C20orf203: variants seen among roughly 807,000 people sequenced by gnomAD.
The protein encoded by C20orf203 is chromosome 20 open reading frame 203.
C20orf203 carries 16 observed loss-of-function variants against 15.9 expected under a neutral mutation model. The ratio of observed to expected loss-of-function variants is 1.01; its 90% confidence interval spans 0.68 to 1.53. The LOEUF (loss-of-function observed/expected upper bound fraction) is 1.53, where lower values mean the gene tolerates loss of function less well. Ranked by LOEUF, C20orf203 falls within the 40% of genes most tolerant of loss-of-function variation. The probability of loss-of-function intolerance (pLI) is 0.00; values close to 1 mark genes in which losing one functional copy is unlikely to be tolerated. For synonymous variants in C20orf203, 98 were observed against 97.2 expected, an observed-to-expected ratio of 1.01 and a Z score of -0.05; for missense variants, 263 against 247.5, an observed-to-expected ratio of 1.06 and a Z score of -0.42.
At chr20:32,652,871 C>T (rs1982669138) in intron 1 of C20orf203, among the ~76,000 whole-genome samples, 1 of 152,136 alleles carries the variant, frequency 6.6e-6, no homozygotes, top group South Asian at 2.1e-4. Context: ...AAGCCTGAGC[C>T]TCAGGCGGCA....
chr20:32,654,752 G>A (rs1326119573), intron 1 of C20orf203, among the ~76,000 whole-genome samples: 1 of 152,182 alleles, frequency 6.6e-6, no homozygotes, highest in Non-Finnish European at 1.5e-5. Context: ...GCTGAGGTGG[G>A]AGGATCACTT....
At chr20:32,663,373 A>C (rs1341471843) in intron 1 of C20orf203, among the ~76,000 whole-genome samples, 1 of 152,184 alleles carries the variant, frequency 6.6e-6, no homozygotes, top group African/African-American at 2.4e-5. Context: ...AATATTTTAC[A>C]GTCATTAAAT....
rs1791859169 is a variant in C20orf203 at position 32,673,820 on chromosome 20, G to C, written c.-452C>G. On this transcript the variant is annotated 5_prime_UTR_variant, in exon 1 of 6. Transcript: ENST00000608990. ...AGCCACTCAGAGCTGAGTGGTGGTG[G>C]AATGAGTGAAAAGGCTGCAGCTGGA... 6.6e-6 allele frequency: 1 copy of C among 152,364 alleles called. No individual in the cohort carries two copies. The allele number at this position is 152,364 out of a possible 1,614,324, so 9.4% of individuals were successfully genotyped here. A position where few individuals can be genotyped will look rare whatever the true frequency, so the allele number is the denominator to read the frequency against.
At chr20:32,656,304 T>C (rs1982752406) in intron 1 of C20orf203, among the ~76,000 whole-genome samples, 1 of 152,208 alleles carries the variant, frequency 6.6e-6, no homozygotes, top group South Asian at 2.1e-4. Context: ...CTCAACATCA[T>C]TAGTCATTAG....
In C20orf203 at chr20:32,650,287, A is replaced by C. The variant is rs1982567234; in HGVS notation, c.*145T>G. The C allele has an allele frequency of 1.6e-6, 1 of 635,458 alleles. No individual in the cohort carries two copies. The allele number at this position is 635,458 out of a possible 1,614,324, so 39.4% of individuals were successfully genotyped here. A position where few individuals can be genotyped will look rare whatever the true frequency, so the allele number is the denominator to read the frequency against. Reference sequence around the variant, plus strand: ...AGCGCCGGTGCCCAGAATCTCCTTGAGGTTTCAGCTGGGCGTGCCGGGCCC... The same window carrying C: ...AGCGCCGGTGCCCAGAATCTCCTTGCGGTTTCAGCTGGGCGTGCCGGGCCC... On this transcript the variant is annotated 3_prime_UTR_variant, in exon 4 of 6. Coordinates refer to ENST00000608990, the MANE Select transcript of C20orf203 (RefSeq NM_182584.4).
intron 1 of C20orf203, among the ~76,000 whole-genome samples, chr20:32,669,649 CA>C (rs1983115475): frequency 6.6e-6 from 1 of 152,154 alleles, no homozygotes. Flanking sequence ...TTACACAACA[CA>C]AAAATCAACT....
intron 1 of C20orf203, among the ~76,000 whole-genome samples, chr20:32,671,472 C>T (rs1479469572): frequency 6.7e-6 from 1 of 149,022 alleles, no homozygotes; most frequent in Non-Finnish European, 1.5e-5. Flanking sequence ...ATGAGGAATC[C>T]AAAGAAGAAA....
chr20:32,643,482 G>A (rs796434993), intron 4 of C20orf203, among the ~76,000 whole-genome samples: 10 of 152,238 alleles, frequency 6.6e-5, no homozygotes, highest in African/African-American at 1.9e-4. Flanking sequence ...CTGTGTGGAG[G>A]ACGGGAAAGT....
At chr20:32,643,431 C>A (rs962971637) in intron 4 of C20orf203, among the ~76,000 whole-genome samples, 6 of 152,158 alleles carry the variant, frequency 3.9e-5, no homozygotes, top group East Asian at 3.8e-4. Flanking sequence ...CTTCTTTGAA[C>A]CCCAGATTCT....
chr20:32,633,879 C>T lies in C20orf203; in HGVS notation c.*1691G>A, dbSNP rs1319259121. The T allele has an allele frequency of 1.8e-5, 7 of 396,876 alleles. No individual in the cohort carries two copies. In the East Asian group the frequency reaches 2.5e-4, roughly 14 times the overall value. The allele number at this position is 396,876 out of a possible 1,614,324, so 24.6% of individuals were successfully genotyped here. A position where few individuals can be genotyped will look rare whatever the true frequency, so the allele number is the denominator to read the frequency against. Reference sequence around the variant, plus strand: ...GCCTCCCTACTCCTGACTTGGGGCCCCTGCTCTGAACCTTCCACCCCGTCC... The same window carrying T: ...GCCTCCCTACTCCTGACTTGGGGCCTCTGCTCTGAACCTTCCACCCCGTCC... On this transcript the variant is annotated 3_prime_UTR_variant, in exon 6 of 6. Coordinates refer to ENST00000608990, the MANE Select transcript of C20orf203 (RefSeq NM_182584.4).
At chr20:32,669,049 C>T (rs544490500) in intron 1 of C20orf203, among the ~76,000 whole-genome samples, 1 of 152,144 alleles carries the variant, frequency 6.6e-6, no homozygotes, top group Non-Finnish European at 1.5e-5. Context: ...TTGGCCACAG[C>T]GGGAGGAAGC....
chr20:32,665,788 A>C (rs1417132556), intron 1 of C20orf203, among the ~76,000 whole-genome samples: 3 of 152,062 alleles, frequency 2.0e-5, no homozygotes, highest in South Asian at 2.1e-4. Context: ...AGATGGTGAA[A>C]TCCAGTCTCT....
At chr20:32,646,888 C>T (rs945836037) in intron 4 of C20orf203, among the ~76,000 whole-genome samples, 1 of 152,234 alleles carries the variant, frequency 6.6e-6, no homozygotes, top group Non-Finnish European at 1.5e-5. Flanking sequence ...GCTCATCCCT[C>T]CACAGCTACA....
chr20:32,634,434 C>G (rs777673254), intron 5 of C20orf203, among the ~76,000 whole-genome samples, 164 bp from the exon 6 acceptor site: 1 of 152,086 alleles, frequency 6.6e-6, no homozygotes, highest in Non-Finnish European at 1.5e-5. Flanking sequence ...ACGCGTGGCT[C>G]TAGGAAGCCC....
chr20:32,646,635 A>G (rs1469779160), intron 4 of C20orf203, among the ~76,000 whole-genome samples: 3 of 152,238 alleles, frequency 2.0e-5, no homozygotes, highest in East Asian at 3.8e-4. Flanking sequence ...CACAAGGAAT[A>G]GGCCCCAGAG....
intron 4 of C20orf203, among the ~76,000 whole-genome samples, chr20:32,641,333 C>CA (rs71338447): frequency 0.28 from 16,111 of 56,794 alleles, 1,170 homozygotes; most frequent in South Asian, 0.43. Context: ...CTCAAAAACT[C>CA]AAAAAAAAAA....
At chr20:32,672,776 A>G (rs1316926089) in intron 1 of C20orf203, among the ~76,000 whole-genome samples, 1 of 151,572 alleles carries the variant, frequency 6.6e-6, no homozygotes, top group Non-Finnish European at 1.5e-5. Flanking sequence ...AGCTCACAGC[A>G]TTTCACACAG....
intron 1 of C20orf203, among the ~76,000 whole-genome samples, chr20:32,672,839 A>G (rs1983205804): frequency 6.6e-6 from 1 of 151,770 alleles, no homozygotes; most frequent in Non-Finnish European, 1.5e-5. Context: ...CTGTCTTCCC[A>G]CAGGGCTGTG....
chr20:32,669,657 A>C (rs1343381702), intron 1 of C20orf203, among the ~76,000 whole-genome samples: 2 of 152,218 alleles, frequency 1.3e-5, no homozygotes, highest in Non-Finnish European at 2.9e-5. Flanking sequence ...CACAAAAATC[A>C]ACTCAAAATG....
Sources: gnomAD v4.1 joint callset for allele counts (sites outside exome capture counted in the v4.1 genomes callset) on GRCh38, gnomAD v4.1.1 for gene constraint, MANE v1.5 for transcripts, NCBI Gene and HGNC (gene_info 2026-07-23, HGNC 2026-07-21) for gene names.